The following TRIM56 variants were observed in gnomAD, a reference collection of about 807,000 sequenced individuals.
The protein encoded by TRIM56 is E3 ubiquitin-protein ligase TRIM56.
TRIM56 carries 10 observed loss-of-function variants against 17.1 expected under a neutral mutation model. The ratio of observed to expected loss-of-function variants is 0.58; its 90% CI spans 0.36 to 0.99. The LOEUF (loss-of-function observed/expected upper bound fraction) is 0.99. TRIM56 is among the 50% of genes least tolerant of loss of function. TRIM56 has a pLI of 0.01. For synonymous variants in TRIM56, 503 were observed against 473.5 expected, an observed-to-expected ratio of 1.06 and a Z score of -0.81; for missense variants, 923 against 1,052.3, an observed-to-expected ratio of 0.88 and a Z score of 1.70.
Position 101,088,011 on chromosome 7 carries a change from G to C in TRIM56, c.699G>C (p.Ala233=). The change falls in exon 3 of 3, where the codon GCG becomes GCC. Residue 233 remains alanine, a synonymous_variant. Transcript: ENST00000306085. ...VDNNLVELEA[A]RRVEKEALAR... is the part of the protein sequence containing the mutation. Reference sequence around the variant, plus strand: ...ATAACCTGGTGGAGCTGGAGGCAGCGCGGAGGGTGGAGAAGGAGGCGCTAG... The same window carrying C: ...ATAACCTGGTGGAGCTGGAGGCAGCCCGGAGGGTGGAGAAGGAGGCGCTAG... 1 of 1,575,272 alleles carries C rather than the reference G, an allele frequency of 6.3e-7. No individual in the cohort carries two copies. Among genetic ancestry groups the C allele is most frequent in the South Asian group, 1.1e-5 (1 of 87,884 alleles).
Position 101,089,793 on chromosome 7 carries a change from CAGGT to C in TRIM56, c.*214_*217del, listed in dbSNP as rs1026066384. On this transcript the variant is annotated 3_prime_UTR_variant, in exon 3 of 3. Transcript: ENST00000306085. The stretch of plus-strand genomic sequence containing the variant: ...CCTTAACTCTCAGAAGCAGAGGAGG[CAGGT>C]GGGTGGAGGGGGATGCTGGGAGTTC... 10 of 515,060 alleles carry C rather than the reference CAGGT, an allele frequency of 1.9e-5. No individual in the cohort carries two copies. The highest frequency in any genetic ancestry group is 1.7e-4 in the African/African-American group (9 of 51,798). The allele number at this position is 515,060 out of a possible 1,614,324, so 31.9% of individuals were successfully genotyped here.
In TRIM56 at chr7:101,088,264, G is replaced by A; in HGVS notation, c.952G>A (p.Glu318Lys). ...FARRVLSLGR[E>K]AEILSLEGAI... ...CCGCCGGGTACTCAGCCTGGGGCGA[G>A]AGGCCGAGATCCTCTCCCTGGAAGG... Residue 318 changes from glutamate (E) to lysine (K), a missense_variant, in exon 3 of 3, where the codon GAG becomes AAG. By Grantham distance (56) the Glu-to-Lys change is moderately conservative. Around this residue, in one of 3 missense-constraint regions of TRIM56, gnomAD observed 643 missense variants for 665.6 expected, o/e 0.97. Coordinates refer to ENST00000306085, the MANE Select transcript of TRIM56 (RefSeq NM_030961.3). 2.7e-6 allele frequency: 4 copies of A among 1,502,026 alleles called. No individual in the cohort carries two copies. Among genetic ancestry groups the A allele is most frequent in the Non-Finnish European group, 3.5e-6 (4 of 1,131,976 alleles). The allele number at this position is 1,502,026 out of a possible 1,614,324, so 93.0% of individuals were successfully genotyped here. A position where few individuals can be genotyped will look rare whatever the true frequency, so the allele number is the denominator to read the frequency against.
At position 101,088,800 on chromosome 7, in the gene TRIM56, T is replaced by C; in HGVS notation, c.1488T>C (p.Ser496=). 6.2e-7 allele frequency: 1 copy of C among 1,613,664 alleles called. No homozygotes were observed. Among genetic ancestry groups the C allele is most frequent in the Non-Finnish European group, 8.5e-7 (1 of 1,179,988 alleles). The change falls in exon 3 of 3, where the codon AGT becomes AGC. Residue 496 remains serine, a synonymous_variant. Transcript: ENST00000306085. ...TCCCCAGACCCATCTTTTACTGCAG[T>C]TTCCCCACGCGGATGCCTGGAGACA... The part of the protein sequence containing the change: ...GLLPRPIFYC[S]FPTRMPGDKR...
chr7:101,096,144 G>C lies in TRIM56; in HGVS notation c.*6564G>C, dbSNP rs986646239. 1 of 151,676 alleles carries C rather than the reference G, an allele frequency of 6.6e-6. No individual in the cohort carries two copies. The highest frequency in any genetic ancestry group is 2.1e-4 in the South Asian group (1 of 4,818). The allele number at this position is 151,676 out of a possible 1,614,324, so 9.4% of individuals were successfully genotyped here. A position where few individuals can be genotyped will look rare whatever the true frequency, so the allele number is the denominator to read the frequency against. The stretch of plus-strand genomic sequence containing the variant: ...GCAGGGGTTGCAGCGAGCTGAGATC[G>C]TACCACTGCACTCCAGCCTGGGCAA... On this transcript the variant is annotated 3_prime_UTR_variant, in exon 3 of 3. Coordinates refer to ENST00000306085, the MANE Select transcript of TRIM56 (RefSeq NM_030961.3).
chr7:101,089,281 AGT>A lies in TRIM56; in HGVS notation c.1973_1974del (p.Val658GlyfsTer4). On this transcript the variant is annotated frameshift_variant, in exon 3 of 3. Coordinates refer to ENST00000306085, the MANE Select transcript of TRIM56 (RefSeq NM_030961.3). LOFTEE classifies it high-confidence loss of function. The stretch of plus-strand genomic sequence containing the variant: ...CGTGGGGTCGGACTGGCAGCAGAAT[AGT>A]GTGGTAATCTGTGATGGGCTGGGCC... The part of the protein sequence containing the change: ...HFVGSDWQQN[S>X]VVICDGLGQV... 6.2e-7 allele frequency: 1 copy of A among 1,609,004 alleles called. No homozygotes were observed. Among genetic ancestry groups the A allele is most frequent in the Non-Finnish European group, 8.5e-7 (1 of 1,176,280 alleles).
rs975606253 is a variant in TRIM56, at chr7:101,097,942, A to T, written c.*8362A>T. The T allele has an allele frequency of 2.5e-4, 38 of 151,676 alleles. No homozygotes were observed. The highest frequency in any genetic ancestry group is 9.2e-4 in the African/African-American group (38 of 41,436). The allele number at this position is 151,676 out of a possible 1,614,324, so 9.4% of individuals were successfully genotyped here. A position where few individuals can be genotyped will look rare whatever the true frequency, so the allele number is the denominator to read the frequency against. ...ATTTTGTATCTTTCCTCTGTTTCTT[A>T]ATAAAGTTCTTTTGAAAAATTGGAA... is the stretch of plus-strand genomic sequence containing the variant. On this transcript the variant is annotated 3_prime_UTR_variant, in exon 3 of 3. Transcript: ENST00000306085.
In TRIM56 at chr7:101,088,009, G is replaced by A; in HGVS notation, c.697G>A (p.Ala233Thr). Reference sequence around the variant, plus strand: ...CAATAACCTGGTGGAGCTGGAGGCAGCGCGGAGGGTGGAGAAGGAGGCGCT... The same window carrying A: ...CAATAACCTGGTGGAGCTGGAGGCAACGCGGAGGGTGGAGAAGGAGGCGCT... ...VDNNLVELEA[A>T]RRVEKEALAR... The change falls in exon 3 of 3, where the codon GCG (alanine) becomes ACG (threonine). Residue 233 changes from alanine to threonine, a missense_variant. This residue lies in a region of TRIM56 where 643 missense variants were observed against 665.6 expected (regional missense o/e 0.97). Transcript: ENST00000306085. 1 of 1,577,226 alleles carries A rather than the reference G, an allele frequency of 6.3e-7. No individual in the cohort carries two copies. The highest frequency in any genetic ancestry group is 1.3e-5 in the African/African-American group (1 of 74,692).
At chr7:101,086,104 GA>G (rs1795444533) in intron 1 of TRIM56, among the ~76,000 whole-genome samples, 1 of 152,228 alleles carries the variant, frequency 6.6e-6, no homozygotes, top group Non-Finnish European at 1.5e-5. Flanking sequence ...AGGTCTAGCA[GA>G]AGACAGGTGT....
rs1795547403 is a variant in TRIM56 at position 101,090,658 on chromosome 7, A to G, written c.*1078A>G. On this transcript the variant is annotated 3_prime_UTR_variant, in exon 3 of 3. Transcript: ENST00000306085. ...AAACAACAGAAAAAGCAGGTTATCCATCACTTCTCAGCTAAGATCAAGTGT... is the reference window on the plus strand; with the variant it reads ...AAACAACAGAAAAAGCAGGTTATCCGTCACTTCTCAGCTAAGATCAAGTGT... The G allele has an allele frequency of 6.7e-6, 1 of 149,410 alleles. No individual in the cohort carries two copies. Among genetic ancestry groups the G allele is most frequent in the Non-Finnish European group, 1.5e-5 (1 of 67,606 alleles). 9.3% of individuals were successfully genotyped at this position (149,410 alleles called of 1,614,324 possible).
chr7:101,092,442 C>G lies in TRIM56; in HGVS notation c.*2862C>G, dbSNP rs1194131112. The stretch of plus-strand genomic sequence containing the variant: ...AGGAGCGCCTCTGCCCGGCCGCGAC[C>G]CAGTCTGGGAGGTGAGGAGCGTCTC... On this transcript the variant is annotated 3_prime_UTR_variant, in exon 3 of 3. Transcript: ENST00000306085. 1.7e-5 allele frequency: 3 copies of G among 173,192 alleles called. No individual in the cohort carries two copies. The highest frequency in any genetic ancestry group is 3.6e-5 in the Non-Finnish European group (3 of 82,388). The allele number at this position is 173,192 out of a possible 1,614,324, so 10.7% of individuals were successfully genotyped here. A position where few individuals can be genotyped will look rare whatever the true frequency, so the allele number is the denominator to read the frequency against.
rs888441638 is a variant in TRIM56 at position 101,094,234 on chromosome 7, C to T, written c.*4654C>T. ...GTGATACAGTCATAATCCTCAAAAA[C>T]GGAGAATCAGGAATTATGATCAAAT... is the stretch of plus-strand genomic sequence containing the variant. On this transcript the variant is annotated 3_prime_UTR_variant, in exon 3 of 3. Transcript: ENST00000306085. The T allele has an allele frequency of 2.0e-5, 3 of 152,038 alleles. No individual in the cohort carries two copies. The highest frequency in any genetic ancestry group is 6.5e-5 in the Admixed American group (1 of 15,268). The allele number at this position is 152,038 out of a possible 1,614,324, so 9.4% of individuals were successfully genotyped here. A position where few individuals can be genotyped will look rare whatever the true frequency, so the allele number is the denominator to read the frequency against.
rs61758108 is a variant in TRIM56, at chr7:101,087,976, G to A, written c.664G>A (p.Gly222Ser). The change falls in exon 3 of 3, where the codon GGT becomes AGT. Residue 222 changes from glycine to serine, a missense_variant. Transcript: ENST00000306085. ...GCCGGGCCTGGAGGGACTGCTGGCC[G>A]GTGTGGACAATAACCTGGTGGAGCT... ...RRPGLEGLLA[G>S]VDNNLVELEA... 33 of 1,593,692 alleles carry A rather than the reference G, an allele frequency of 2.1e-5. No individual in the cohort carries two copies. Among genetic ancestry groups the A allele is most frequent in the East Asian group, 4.5e-5 (2 of 44,588 alleles).
chr7:101,087,190 C>T (rs1396597934), intron 2 of TRIM56, 22 bp downstream of exon 2: 23 of 919,332 alleles, frequency 2.5e-5, no homozygotes, highest in Admixed American at 1.1e-4. Flanking sequence ...GGTTCCTTCC[C>T]GGCCATTTGG....
intron 1 of TRIM56, among the ~76,000 whole-genome samples, chr7:101,086,113 T>C (rs908184534): frequency 6.6e-6 from 1 of 152,102 alleles, no homozygotes; most frequent in Non-Finnish European, 1.5e-5. Context: ...AGAAGACAGG[T>C]GTAAGGCCAG....
Position 101,092,031 on chromosome 7 carries a change from C to A in TRIM56, c.*2451C>A, listed in dbSNP as rs1188801010. 1.0e-5 allele frequency: 3 copies of A among 290,674 alleles called. No homozygotes were observed. Among genetic ancestry groups the A allele is most frequent in the Non-Finnish European group, 2.0e-5 (3 of 150,944 alleles). The allele number at this position is 290,674 out of a possible 1,614,324, so 18.0% of individuals were successfully genotyped here. A position where few individuals can be genotyped will look rare whatever the true frequency, so the allele number is the denominator to read the frequency against. On this transcript the variant is annotated 3_prime_UTR_variant, in exon 3 of 3. Transcript: ENST00000306085. ...TCTCCAGCTCCTAACCGCGAGTGATCCGCCAGCCTCGGCCTCCGGAGGTGC... is the reference window on the plus strand; with the variant it reads ...TCTCCAGCTCCTAACCGCGAGTGATACGCCAGCCTCGGCCTCCGGAGGTGC...
intron 2 of TRIM56, 40 bp downstream of exon 2, chr7:101,087,208 C>G: frequency 8.9e-7 from 1 of 1,123,918 alleles, no homozygotes; most frequent in Non-Finnish European, 1.3e-6. Context: ...TGGGTCAGCC[C>G]CTAGCCCTGG....
rs1795549325 is a variant in TRIM56, at chr7:101,090,725, T to C, written c.*1145T>C. ...ATAAATAAATAAATAAATAAATAAA[T>C]ACCAAGTTATGAGTGTCAGAGCAGG... is the stretch of plus-strand genomic sequence containing the variant. On this transcript the variant is annotated 3_prime_UTR_variant, in exon 3 of 3. Transcript: ENST00000306085. 7.0e-6 allele frequency: 1 copy of C among 142,368 alleles called. No individual in the cohort carries two copies. Among genetic ancestry groups the C allele is most frequent in the African/African-American group, 2.7e-5 (1 of 37,092 alleles). 8.8% of individuals were successfully genotyped at this position (142,368 alleles called of 1,614,324 possible).
At position 101,096,488 on chromosome 7, in the gene TRIM56, C is replaced by G. The variant is rs533750165; in HGVS notation, c.*6908C>G. The G allele has an allele frequency of 1.3e-5, 2 of 152,292 alleles. No homozygotes were observed. Among genetic ancestry groups the G allele is most frequent in the South Asian group, 4.2e-4 (2 of 4,818 alleles). 9.4% of individuals were successfully genotyped at this position (152,292 alleles called of 1,614,324 possible). ...GCTCTGCACTAAACAGCTGTGTGAT[C>G]TTGGTCTAGTGCCTTAACCTCTCTG... On this transcript the variant is annotated 3_prime_UTR_variant, in exon 3 of 3. Transcript: ENST00000306085.
In TRIM56 at chr7:101,088,837, C is replaced by T. The variant is rs1466721690; in HGVS notation, c.1525C>T (p.Arg509Trp). 15 of 1,613,686 alleles carry T rather than the reference C, an allele frequency of 9.3e-6. No individual in the cohort carries two copies. The highest frequency in any genetic ancestry group is 1.3e-5 in the Non-Finnish European group (15 of 1,180,052). Residue 509 changes from arginine (R) to tryptophan (W), a missense_variant, in exon 3 of 3, where the codon CGG becomes TGG. Physicochemically the swap from Arg to Trp is moderately radical, Grantham distance 101. Transcript: ENST00000306085. Reference sequence around the variant, plus strand: ...GATGCCTGGAGACAAGCGGTCCCCCCGGATCACCGGGCTCTGTCCCTTCGG... The same window carrying T: ...GATGCCTGGAGACAAGCGGTCCCCCTGGATCACCGGGCTCTGTCCCTTCGG... ...TRMPGDKRSPRITGLCPFGPR... is the reference protein window; with the variant it reads ...TRMPGDKRSPWITGLCPFGPR...
Sources: allele counts gnomAD v4.1 joint callset (sites outside exome capture counted in the v4.1 genomes callset), GRCh38; gene constraint gnomAD v4.1.1; regional missense constraint gnomAD v4.1.1; transcripts MANE v1.5; gene names NCBI Gene and HGNC (gene_info 2026-07-23, HGNC 2026-07-21).